Variants in TRABD2B observed in about 807,000 individuals in gnomAD.
The protein encoded by TRABD2B is TraB domain containing 2B.
In TRABD2B, 14 loss-of-function variants were observed where a neutral mutation model predicts 40.1. That is an observed-to-expected ratio of 0.35 (90% CI 0.23 to 0.55). The LOEUF is 0.55. Ranked by LOEUF, TRABD2B falls within the 20% of genes least tolerant of loss-of-function variation. The pLI is 0.90. For synonymous variants in TRABD2B, 263 were observed against 277.0 expected, an observed-to-expected ratio of 0.95 and a Z score of 0.50; for missense variants, 541 against 648.6, an observed-to-expected ratio of 0.83 and a Z score of 1.80.
chr1:47,819,040 T>C (rs1408352492), intron 2 of TRABD2B: 1 of 152,262 alleles, frequency 6.6e-6, no homozygotes. Context: ...ACATTATTTT[T>C]AAAAAGTATA....
At chr1:47,869,096 C>T (rs542276398) in intron 2 of TRABD2B, among the ~76,000 whole-genome samples, 1 of 152,124 alleles carries the variant, frequency 6.6e-6, no homozygotes, top group Non-Finnish European at 1.5e-5. Flanking sequence ...TCTACCTGTG[C>T]TTCCCCCATA....
intron 2 of TRABD2B, among the ~76,000 whole-genome samples, chr1:47,906,335 A>G (rs1644677810): frequency 6.6e-6 from 1 of 152,226 alleles, no homozygotes; most frequent in Admixed American, 6.5e-5. Flanking sequence ...TATTTCACAG[A>G]TGAGAAAACT....
At chr1:47,900,027 C>T (rs1356601285) in intron 2 of TRABD2B, among the ~76,000 whole-genome samples, 1 of 152,174 alleles carries the variant, frequency 6.6e-6, no homozygotes, top group Non-Finnish European at 1.5e-5. Flanking sequence ...GTGCTTGGGC[C>T]TGCATCTCAG....
chr1:47,791,316 G>C (rs1393544783), intron 4 of TRABD2B, among the ~76,000 whole-genome samples: 1 of 152,252 alleles, frequency 6.6e-6, no homozygotes, highest in Non-Finnish European at 1.5e-5. Context: ...AGAGCCCCCA[G>C]CAGGGGCTTG....
intron 2 of TRABD2B, among the ~76,000 whole-genome samples, chr1:47,919,849 G>T (rs1274898008): frequency 1.3e-5 from 2 of 152,214 alleles, no homozygotes. Flanking sequence ...CCTGGAGAGG[G>T]GGGTGCTGGT....
At chr1:47,974,662 A>G (rs992800406) in intron 2 of TRABD2B, among the ~76,000 whole-genome samples, 6 of 152,202 alleles carry the variant, frequency 3.9e-5, no homozygotes, top group Non-Finnish European at 8.8e-5. Context: ...TGAGCCTTCA[A>G]AACGCACTTG....
intron 2 of TRABD2B, among the ~76,000 whole-genome samples, chr1:47,873,879 T>C (rs1455060812): frequency 6.6e-6 from 1 of 152,184 alleles, no homozygotes; most frequent in African/African-American, 2.4e-5. Context: ...AGGTGTTTGC[T>C]TTTTTTCTCT....
chr1:47,768,184 G>C (rs769390286), intron 6 of TRABD2B, among the ~76,000 whole-genome samples: 1 of 152,184 alleles, frequency 6.6e-6, no homozygotes, highest in Non-Finnish European at 1.5e-5. Flanking sequence ...AGTTGCATAA[G>C]GTTCCTTTCA....
intron 2 of TRABD2B, among the ~76,000 whole-genome samples, chr1:47,896,493 C>T (rs543255633): frequency 1.1e-4 from 17 of 152,146 alleles, no homozygotes; most frequent in Non-Finnish European, 2.5e-4. Context: ...CTCTGGAACC[C>T]AAGCAGAGAC....
chr1:47,808,649 T>G (rs766147802), intron 2 of TRABD2B, among the ~76,000 whole-genome samples: 32 of 152,216 alleles, frequency 2.1e-4, no homozygotes, highest in Non-Finnish European at 3.8e-4. Context: ...AGATAAGGAC[T>G]ATTTCCATAT....
intron 2 of TRABD2B, among the ~76,000 whole-genome samples, chr1:47,895,611 T>A (rs906773354): frequency 2.6e-5 from 4 of 152,222 alleles, no homozygotes; most frequent in African/African-American, 9.6e-5. Flanking sequence ...TTTGTCACCC[T>A]GTCCATCACC....
intron 2 of TRABD2B, among the ~76,000 whole-genome samples, chr1:47,988,521 A>T (rs1645953648): frequency 6.6e-6 from 1 of 152,220 alleles, no homozygotes; most frequent in African/African-American, 2.4e-5. Context: ...GTGGGTGTCC[A>T]GCAGCCTGTG....
chr1:47,906,475 G>T (rs137951537), intron 2 of TRABD2B, among the ~76,000 whole-genome samples: 1 of 152,222 alleles, frequency 6.6e-6, no homozygotes, highest in African/African-American at 2.4e-5. Flanking sequence ...GCCTTTCTGA[G>T]AACCCAGGAA....
At chr1:47,957,911 A>G (rs1014560959) in intron 2 of TRABD2B, among the ~76,000 whole-genome samples, 3 of 152,202 alleles carry the variant, frequency 2.0e-5, no homozygotes, top group Admixed American at 1.3e-4. Context: ...TAATTGTCAA[A>G]TTCACCAAAG....
chr1:47,821,292 G>A (rs1645105356), intron 2 of TRABD2B, among the ~76,000 whole-genome samples: 1 of 152,182 alleles, frequency 6.6e-6, no homozygotes, highest in Non-Finnish European at 1.5e-5. Flanking sequence ...AGCAGTCAGA[G>A]GCCCTGGGTT....
intron 2 of TRABD2B, among the ~76,000 whole-genome samples, chr1:47,963,460 G>A (rs1645552135): frequency 1.3e-5 from 2 of 152,178 alleles, no homozygotes; most frequent in African/African-American, 2.4e-5. Context: ...GAGAAAAAGA[G>A]CAGGCCCTTG....
At chr1:47,954,309 G>A (rs1038539417) in intron 2 of TRABD2B, among the ~76,000 whole-genome samples, 2 of 152,094 alleles carry the variant, frequency 1.3e-5, no homozygotes, top group African/African-American at 4.8e-5. Context: ...CCAGGCCTCC[G>A]TTTACCCCAT....
intron 2 of TRABD2B, among the ~76,000 whole-genome samples, chr1:47,931,987 G>A (rs1042267745): frequency 5.9e-5 from 9 of 152,196 alleles, no homozygotes; most frequent in Admixed American, 2.6e-4. Flanking sequence ...AGGACTTAAC[G>A]GAGGGTTTTG....
chr1:47,902,366 T>C (rs1644612575), intron 2 of TRABD2B, among the ~76,000 whole-genome samples: 1 of 152,074 alleles, frequency 6.6e-6, no homozygotes, highest in African/African-American at 2.4e-5. Context: ...GACTGCCAAG[T>C]AGATGGGCAA....
Sources: allele counts gnomAD v4.1 joint callset (sites outside exome capture counted in the v4.1 genomes callset), GRCh38; gene constraint gnomAD v4.1.1; transcripts MANE v1.5; gene names NCBI Gene and HGNC (gene_info 2026-07-23, HGNC 2026-07-21).